The following FAAH2 variants were observed in gnomAD, a reference collection of about 807,000 sequenced individuals.
FAAH2 encodes fatty-acid amide hydrolase 2.
FAAH2 carries 60 observed loss-of-function variants against 36.9 expected under a neutral mutation model. That is an observed-to-expected ratio of 1.63 (90% CI 1.32 to 2.02). The LOEUF is 2.02. Among genes scored for constraint, FAAH2 ranks in the 30% most tolerant of loss-of-function variants. FAAH2 has a pLI of 0.00. For missense variants in FAAH2, 689 were observed against 397.5 expected, an observed-to-expected ratio of 1.73 and a Z score of -6.23; for synonymous variants, 214 against 143.8, an observed-to-expected ratio of 1.49 and a Z score of -3.49.
chrX:57,313,460 AAAATAAAT>A lies in FAAH2; in HGVS notation c.412+2749_412+2756del, dbSNP rs753481309. On this transcript the variant is annotated intron_variant, in intron 3 of 10. Coordinates refer to ENST00000374900, the MANE Select transcript of FAAH2 (RefSeq NM_174912.4). ...AATCAGATTCACCAAGGTCAATACA[AAAATAAAT>A]AAATAAATAAATAAATACATCTTAA... 1.5e-3 allele frequency among the ~76,000 whole-genome samples: 169 copies of A among 109,810 alleles called. 2 individuals carry two copies. Among genetic ancestry groups the A allele is most frequent in the African/African-American group, 5.0e-3 (153 of 30,301 alleles).
At chrX:57,308,287 G>T (rs1569246587) in intron 2 of FAAH2, among the ~76,000 whole-genome samples, 1 of 111,147 alleles carries the variant, frequency 9.0e-6, no homozygotes, top group East Asian at 2.8e-4. Context: ...CAGCTTCACC[G>T]GTATCTGTTG....
intron 3 of FAAH2, among the ~76,000 whole-genome samples, chrX:57,310,976 T>G (rs2146897360): frequency 8.9e-6 from 1 of 111,902 alleles, no homozygotes; most frequent in Admixed American, 9.5e-5. Flanking sequence ...AGCAAACTTA[T>G]AAGAATAGTA....
chrX:57,163,529 A>C, the FAAH2 span, among the ~76,000 whole-genome samples: 27 of 110,343 alleles, frequency 2.4e-4, no homozygotes, highest in African/African-American at 8.9e-4. Flanking sequence ...TGGGCGTAGG[A>C]CCCTCTGAGC....
At chrX:57,330,869 C>T (rs1254290632) in intron 3 of FAAH2, among the ~76,000 whole-genome samples, 1 of 110,657 alleles carries the variant, frequency 9.0e-6, no homozygotes, top group Non-Finnish European at 1.9e-5. Flanking sequence ...CAGGACTTTG[C>T]AGGTCAGGTG....
intron 10 of FAAH2, among the ~76,000 whole-genome samples, chrX:57,479,342 A>G (rs763671705): frequency 1.4e-3 from 159 of 111,969 alleles, no homozygotes; most frequent in Non-Finnish European, 2.2e-3. Context: ...TGATTTTTGT[A>G]TCTTGAGACT....
chrX:57,420,131 G>A (rs1419027440), intron 7 of FAAH2, among the ~76,000 whole-genome samples: 1 of 110,193 alleles, frequency 9.1e-6, no homozygotes, highest in Non-Finnish European at 1.9e-5. Flanking sequence ...GCCTTGTAGT[G>A]TAGTTTGAAG....
chrX:57,237,376 C>G, the FAAH2 span, among the ~76,000 whole-genome samples: 1 of 110,805 alleles, frequency 9.0e-6, no homozygotes, highest in Admixed American at 9.6e-5. Flanking sequence ...TACAATCATA[C>G]TAACAGAAAT....
In FAAH2 at chrX:57,462,290, C is replaced by T. The variant is rs143883710; in HGVS notation, c.1423+13572C>T. Reference sequence around the variant, plus strand: ...TCCGAAGAATAGAAGAAGAGGGATTCCTCCCTAACTCATTTTATGAGGCCA... The same window carrying T: ...TCCGAAGAATAGAAGAAGAGGGATTTCTCCCTAACTCATTTTATGAGGCCA... On this transcript the variant is annotated intron_variant, in intron 10 of 10. Transcript: ENST00000374900. Among the ~76,000 whole-genome samples the T allele has an allele frequency of 8.8e-3, 980 of 110,947 alleles. 10 individuals are homozygous for T. The highest frequency in any genetic ancestry group is 0.013 in the Non-Finnish European group (713 of 52,944).
intron 7 of FAAH2, among the ~76,000 whole-genome samples, chrX:57,391,917 G>T (rs147491506): frequency 9.1e-6 from 1 of 110,248 alleles, no homozygotes; most frequent in Non-Finnish European, 1.9e-5. Flanking sequence ...CAGTATGGTC[G>T]TTTTAACTAG....
intron 3 of FAAH2, among the ~76,000 whole-genome samples, chrX:57,329,694 A>C (rs953545038): frequency 9.1e-6 from 1 of 110,184 alleles, no homozygotes; most frequent in Non-Finnish European, 1.9e-5. Flanking sequence ...GGGCGAGTGC[A>C]TGTAGGCAAA....
intron 7 of FAAH2, among the ~76,000 whole-genome samples, chrX:57,417,898 G>A (rs1167219628): frequency 8.9e-6 from 1 of 111,977 alleles, no homozygotes; most frequent in Admixed American, 9.5e-5. Flanking sequence ...GCTGACTGGG[G>A]CTGTTGCCTT....
chrX:57,403,823 G>A (rs1231003047), intron 7 of FAAH2, among the ~76,000 whole-genome samples: 1 of 112,156 alleles, frequency 8.9e-6, no homozygotes, highest in Non-Finnish European at 1.9e-5. Context: ...ACATTTGTAT[G>A]GTAATTAAGA....
chrX:57,318,458 C>T lies in FAAH2; in HGVS notation c.412+7729C>T, dbSNP rs182040403. ...CCTGGACAGATAAATCCTCCCAAGTCTAAAGCAAACCAGGAAGAAGTCAAG... is the reference window on the plus strand; with the variant it reads ...CCTGGACAGATAAATCCTCCCAAGTTTAAAGCAAACCAGGAAGAAGTCAAG... On this transcript the variant is annotated intron_variant, in intron 3 of 10. Transcript: ENST00000374900. Among the ~76,000 whole-genome samples, 311 of 111,397 alleles carry T rather than the reference C, an allele frequency of 2.8e-3. 1 individual carries two copies. Among genetic ancestry groups the T allele is most frequent in the African/African-American group, 9.5e-3 (292 of 30,733 alleles).
At chrX:57,194,142 G>T in the FAAH2 span, among the ~76,000 whole-genome samples, 3 of 111,455 alleles carry the variant, frequency 2.7e-5, no homozygotes, top group African/African-American at 9.8e-5. Flanking sequence ...CAGCAGTAAA[G>T]CTATCAGGTG....
At chrX:57,221,678 C>T in the FAAH2 span, among the ~76,000 whole-genome samples, 4 of 111,486 alleles carry the variant, frequency 3.6e-5, no homozygotes, top group Non-Finnish European at 3.8e-5. Flanking sequence ...ACTTTACTTT[C>T]CACAATTCCC....
At chrX:57,349,094 TATATATATAATGTATATGTGTATA>T (rs2053911772) in intron 5 of FAAH2, among the ~76,000 whole-genome samples, 2 of 96,853 alleles carry the variant, frequency 2.1e-5, no homozygotes, top group Non-Finnish European at 2.0e-5. Flanking sequence ...ATATATATAT[TATATATATAATGTATATGTGTATA>T]ATATATACAC....
the FAAH2 span, among the ~76,000 whole-genome samples, chrX:57,223,082 C>T: frequency 8.9e-6 from 1 of 112,363 alleles, no homozygotes; most frequent in Non-Finnish European, 1.9e-5. Context: ...TCACACTCGT[C>T]CATCTGGAAA....
At chrX:57,365,243 G>A (rs1488365918) in intron 5 of FAAH2, among the ~76,000 whole-genome samples, 2 of 111,993 alleles carry the variant, frequency 1.8e-5, no homozygotes, top group Middle Eastern at 4.2e-3. Flanking sequence ...CCCCTTGAAA[G>A]GCTGGTCTGA....
At position 57,314,405 on chromosome X, in the gene FAAH2, A is replaced by C. The variant is rs1464167725; in HGVS notation, c.412+3676A>C. On this transcript the variant is annotated intron_variant, in intron 3 of 10. Transcript: ENST00000374900. ...GCAATTGCGCTTAATAGACATCTAC[A>C]AAATACTCCACCCAAAAACCATGGA... 4.5e-5 allele frequency among the ~76,000 whole-genome samples: 5 copies of C among 111,516 alleles called. No homozygotes were observed. In the South Asian group the frequency reaches 1.9e-3, roughly 41 times the overall value.
Sources: gnomAD v4.1 joint callset for allele counts (sites outside exome capture counted in the v4.1 genomes callset) on GRCh38, gnomAD v4.1.1 for gene constraint, MANE v1.5 for transcripts, NCBI Gene and HGNC (gene_info 2026-07-23, HGNC 2026-07-21) for gene names.